Variants in DNAH1 observed in about 807,000 individuals in gnomAD.
The protein encoded by DNAH1 is dynein axonemal heavy chain 1.
DNAH1 carries 327 observed loss-of-function variants against 484.3 expected under a neutral mutation model. The observed-to-expected ratio is 0.68, with a 90% CI of 0.62 to 0.74. The LOEUF (loss-of-function observed/expected upper bound fraction) is 0.74, where lower values mean the gene tolerates loss of function less well. Among genes scored for constraint, DNAH1 ranks in the 30% least tolerant of loss-of-function variants. The pLI, the probability that DNAH1 is intolerant of heterozygous loss-of-function variation, is 0.00. For missense variants in DNAH1, 5,052 were observed against 5,546.8 expected, an observed-to-expected ratio of 0.91 and a Z score of 2.83; for synonymous variants, 2,192 against 2,191.9, an observed-to-expected ratio of 1.00 and a Z score of 0.00.
chr3:52,369,509 GA>G, intron 37 of DNAH1, among the ~76,000 whole-genome samples: 1 of 152,288 alleles, frequency 6.6e-6, no homozygotes, highest in South Asian at 2.1e-4. Context: ...CACAGGGGTG[GA>G]GGGCTCTGGA....
chr3:52,374,340 A>G, intron 44 of DNAH1: 1 of 1,508,056 alleles, frequency 6.6e-7, no homozygotes, highest in Admixed American at 1.7e-5. Context: ...AAATCTCTTG[A>G]GTGTCTACCA....
Position 52,372,916 on chromosome 3 carries a change from C to T in DNAH1, c.6848C>T (p.Pro2283Leu), listed in dbSNP as rs1703408663. The change falls in exon 44 of 78, where the codon CCA becomes CTA. Residue 2283 changes from proline to leucine, a missense_variant. Around this residue, in one of 4 missense-constraint regions of DNAH1, gnomAD observed 2,929 missense variants for 3,409.4 expected, o/e 0.86. Transcript: ENST00000420323. ...CTCAGGCGGAAGGGTGTGTTTGGAC[C>T]ACCTCTGGGGCGCAACTTTATCTTC... ...LDKRRKGVFG[P>L]PLGRNFIFFI... 6.2e-7 allele frequency: 1 copy of T among 1,613,104 alleles called. No homozygotes were observed. The highest frequency in any genetic ancestry group is 1.3e-5 in the African/African-American group (1 of 74,876).
At position 52,369,917 on chromosome 3, in the gene DNAH1, C is replaced by T; in HGVS notation, c.6036C>T (p.Ile2012=). ...RCGMVYLEPS[I]LGLMPFIECW... is the part of the protein sequence containing the mutation. Reference sequence around the variant, plus strand: ...GCATGGTGTACCTGGAGCCCAGCATCCTGGGGCTCATGCCCTTCATCGAGT... The same window carrying T: ...GCATGGTGTACCTGGAGCCCAGCATTCTGGGGCTCATGCCCTTCATCGAGT... Residue 2012 remains isoleucine, a synonymous_variant, in exon 38 of 78, where the codon ATC becomes ATT. Coordinates refer to ENST00000420323, the MANE Select transcript of DNAH1 (RefSeq NM_015512.5). 1 of 1,613,984 alleles carries T rather than the reference C, an allele frequency of 6.2e-7. No individual in the cohort carries two copies. Among genetic ancestry groups the T allele is most frequent in the Non-Finnish European group, 8.5e-7 (1 of 1,179,878 alleles).
intron 8 of DNAH1, among the ~76,000 whole-genome samples, chr3:52,337,130 G>C (rs1344627419): frequency 6.6e-6 from 1 of 152,158 alleles, no homozygotes; most frequent in Non-Finnish European, 1.5e-5. Context: ...AGTTCTTCTA[G>C]AGATCATTTA....
At position 52,326,293 on chromosome 3, in the gene DNAH1, C is replaced by T; in HGVS notation, c.560C>T (p.Pro187Leu). 6.2e-7 allele frequency: 1 copy of T among 1,609,332 alleles called. No homozygotes were observed. Among genetic ancestry groups the T allele is most frequent in the South Asian group, 1.1e-5 (1 of 91,024 alleles). The change falls in exon 4 of 78, where the codon CCT becomes CTT. Residue 187 changes from proline (P) to leucine (L), a missense_variant. By Grantham distance (98) the Pro-to-Leu change is moderately conservative. This residue lies in a region of DNAH1 where 1,263 missense variants were observed against 1,218.8 expected (regional missense o/e 1.04). Transcript: ENST00000420323. ...TTCCAGGTGCTGCCAGGCCAGCATCCTCGCAAGATTGAGATCGAGAGGTAC... is the reference window on the plus strand; with the variant it reads ...TTCCAGGTGCTGCCAGGCCAGCATCTTCGCAAGATTGAGATCGAGAGGTAC... ...VPFQVLPGQH[P>L]RKIEIERRKQ...
chr3:52,317,089 C>T (rs1700973906), intron 1 of DNAH1, among the ~76,000 whole-genome samples: 1 of 152,126 alleles, frequency 6.6e-6, no homozygotes, highest in African/African-American at 2.4e-5. Context: ...CTATGCTTAC[C>T]TATATGTATA....
Position 52,397,039 on chromosome 3 carries a change from C to T in DNAH1, c.11782C>T (p.Leu3928Phe), listed in dbSNP as rs753268923. ...CCACCAGATCCCGCCTACCTACGAC[C>T]TCCACGTGAGTCCAGCCCAAAGGGC... is the stretch of plus-strand genomic sequence containing the variant. ...IYHQIPPTYD[L>F]HGYLSYIKSL... The change falls in exon 73 of 78, where the codon CTC becomes TTC. Residue 3928 changes from leucine to phenylalanine, a missense_variant. Leu to Phe is a conservative substitution (Grantham distance 22). Transcript: ENST00000420323. The T allele has an allele frequency of 4.4e-6, 7 of 1,602,418 alleles. No homozygotes were observed. In the African/African-American group the frequency reaches 9.4e-5, roughly 21 times the overall value.
intron 8 of DNAH1, among the ~76,000 whole-genome samples, chr3:52,335,799 T>C (rs977256388): frequency 6.6e-6 from 1 of 151,186 alleles, no homozygotes; most frequent in South Asian, 2.1e-4. Flanking sequence ...CACGCCCAGA[T>C]AATTTTGTAT....
At chr3:52,311,691 C>T (rs1017836802), upstream of DNAH1, among the ~76,000 whole-genome samples, 1 of 152,218 alleles carries the variant, frequency 6.6e-6, no homozygotes. Context: ...GTCACAAAAG[C>T]TGGACCGTGA....
intron 34 of DNAH1, 99 bp from the exon 35 acceptor site, chr3:52,366,358 C>CA: frequency 1.1e-6 from 1 of 904,072 alleles, no homozygotes; most frequent in Non-Finnish European, 1.7e-6. Flanking sequence ...AATTGAGGCT[C>CA]AGGGAGTGCA....
At chr3:52,329,115 G>T (rs536622248) in intron 6 of DNAH1, among the ~76,000 whole-genome samples, 1 of 152,286 alleles carries the variant, frequency 6.6e-6, no homozygotes, top group East Asian at 1.9e-4. Flanking sequence ...TTCCCAGATC[G>T]CCAATTCCTG....
At position 52,347,892 on chromosome 3, in the gene DNAH1, C is replaced by T. The variant is rs1702211398; in HGVS notation, c.2024C>T (p.Pro675Leu). ...AGCTCTGGGGTGCACTATAGCACCC[C>T]ACTGGAGCAGTTTGAGGCATCTCTG... ...LDSSGVHYST[P>L]LEQFEASLLN... Residue 675 changes from proline to leucine, a missense_variant, in exon 12 of 78, where the codon CCA becomes CTA. By Grantham distance (98) the Pro-to-Leu change is moderately conservative (BLOSUM62 -3). Coordinates refer to ENST00000420323, the MANE Select transcript of DNAH1 (RefSeq NM_015512.5). 1 of 1,608,250 alleles carries T rather than the reference C, an allele frequency of 6.2e-7. No homozygotes were observed. Among genetic ancestry groups the T allele is most frequent in the South Asian group, 1.1e-5 (1 of 89,788 alleles).
intron 56 of DNAH1, 72 bp downstream of exon 56, chr3:52,386,925 A>G (rs1704137411): frequency 8.3e-6 from 12 of 1,438,652 alleles, no homozygotes; most frequent in Non-Finnish European, 1.1e-5. Context: ...GTGAAGCTGG[A>G]GAGGAGCTTG....
At chr3:52,392,437 A>G (rs746653772) in intron 63 of DNAH1, 27 bp from the exon 64 acceptor site, 1 of 1,609,482 alleles carries the variant, frequency 6.2e-7, no homozygotes, top group South Asian at 1.1e-5. Context: ...CAGGTATTAC[A>G]GACTTGGTGT....
intron 15 of DNAH1, 107 bp from the exon 16 acceptor site, chr3:52,350,401 T>G: frequency 8.6e-7 from 1 of 1,160,942 alleles, no homozygotes; most frequent in East Asian, 2.5e-5. Flanking sequence ...CTCCCCATTC[T>G]GAAAGAGAGC....
intron 37 of DNAH1, 48 bp from the exon 38 acceptor site, chr3:52,369,777 C>A (rs764787171): frequency 5.9e-5 from 93 of 1,563,888 alleles, no homozygotes; most frequent in Non-Finnish European, 7.7e-5. Context: ...TTTCTCCAGG[C>A]CTGAGGACTG....
At chr3:52,399,518 G>A (rs200416713) in intron 76 of DNAH1, 27 bp from the exon 77 acceptor site, 154 of 1,571,126 alleles carry the variant, frequency 9.8e-5, no homozygotes, top group Non-Finnish European at 1.2e-4. Flanking sequence ...TGTTATGTGT[G>A]TGGGGTGTGT....
chr3:52,335,228 G>T (rs1578091204), intron 8 of DNAH1, among the ~76,000 whole-genome samples: 2 of 91,616 alleles, frequency 2.2e-5, no homozygotes, highest in East Asian at 3.3e-4. Context: ...GCTAATTTTT[G>T]TATTTTTTAG....
intron 2 of DNAH1, 71 bp from the exon 3 acceptor site, chr3:52,323,737 G>C (rs983702757): frequency 2.3e-6 from 3 of 1,320,706 alleles, no homozygotes; most frequent in Non-Finnish European, 3.2e-6. Context: ...GCCTGGGCTC[G>C]GGGTCCCTCC....
Sources: gnomAD v4.1 joint callset for allele counts (sites outside exome capture counted in the v4.1 genomes callset) on GRCh38, gnomAD v4.1.1 for gene constraint, gnomAD v4.1.1 regional missense constraint, MANE v1.5 for transcripts, NCBI Gene and HGNC (gene_info 2026-07-23, HGNC 2026-07-21) for gene names.